The following DNAH3 variants were observed in gnomAD, a reference collection of about 807,000 sequenced individuals.
DNAH3 encodes dynein axonemal heavy chain 3.
In DNAH3, 332 loss-of-function variants were observed where a neutral mutation model predicts 432.5. The observed-to-expected ratio is 0.77, with a 90% CI of 0.70 to 0.84. DNAH3 has a LOEUF of 0.84. Ranked by LOEUF, DNAH3 falls within the 40% of genes least tolerant of loss-of-function variation. DNAH3 has a pLI of 0.00. For missense variants in DNAH3, 4,861 were observed against 5,114.0 expected, an observed-to-expected ratio of 0.95 and a Z score of 1.51; for synonymous variants, 1,956 against 1,900.2, an observed-to-expected ratio of 1.03 and a Z score of -0.76.
At chr16:21,057,745 G>C (rs752843847) in intron 27 of DNAH3, among the ~76,000 whole-genome samples, 15 of 152,110 alleles carry the variant, frequency 9.9e-5, no homozygotes, top group Non-Finnish European at 1.9e-4. Context: ...GAGAAGGAGA[G>C]GCAGATGGTG....
At chr16:20,983,541 C>T (rs896276082) in intron 48 of DNAH3, among the ~76,000 whole-genome samples, 5 of 152,168 alleles carry the variant, frequency 3.3e-5, no homozygotes, top group East Asian at 1.9e-4. Flanking sequence ...TGCTGATACA[C>T]GGGAGCCATA....
intron 41 of DNAH3, among the ~76,000 whole-genome samples, chr16:21,009,592 G>T (rs2087479639): frequency 6.6e-6 from 1 of 152,188 alleles, no homozygotes; most frequent in Admixed American, 6.5e-5. Context: ...AATGAGAAAA[G>T]ATTTGGCTGG....
At chr16:21,135,282 G>A (rs2092626654) in intron 6 of DNAH3, among the ~76,000 whole-genome samples, 1 of 152,126 alleles carries the variant, frequency 6.6e-6, no homozygotes, top group South Asian at 2.1e-4. Context: ...AACCCACCAT[G>A]GATGATACCA....
At chr16:21,157,749 A>G (rs997986390) in intron 1 of DNAH3, among the ~76,000 whole-genome samples, 1 of 149,550 alleles carries the variant, frequency 6.7e-6, no homozygotes, top group Non-Finnish European at 1.5e-5. Flanking sequence ...CAGCAGACCA[A>G]TGGTTGGGCT....
intron 16 of DNAH3, among the ~76,000 whole-genome samples, chr16:21,103,598 T>G (rs762793774): frequency 6.6e-6 from 1 of 152,144 alleles, no homozygotes; most frequent in Non-Finnish European, 1.5e-5. Flanking sequence ...GGAGCACACT[T>G]AGGCCACATT....
chr16:21,156,581 T>A (rs2092898911), intron 1 of DNAH3, among the ~76,000 whole-genome samples: 1 of 152,124 alleles, frequency 6.6e-6, no homozygotes, highest in African/African-American at 2.4e-5. Flanking sequence ...CATGACCTAA[T>A]CACCTCCCAA....
At chr16:21,013,166 C>T (rs564803049) in intron 41 of DNAH3, among the ~76,000 whole-genome samples, 1 of 151,986 alleles carries the variant, frequency 6.6e-6, no homozygotes, top group East Asian at 1.9e-4. Context: ...AAAATTATTG[C>T]AGAAATCATG....
intron 9 of DNAH3, 128 bp from the exon 11 acceptor site, chr16:21,122,252 T>C (rs544094227): frequency 3.1e-5 from 23 of 752,326 alleles, no homozygotes; most frequent in Non-Finnish European, 4.2e-5. Flanking sequence ...ATACACTGTT[T>C]ATATTTAAAA....
intron 24 of DNAH3, among the ~76,000 whole-genome samples, chr16:21,063,727 G>A (rs2090446962): frequency 6.6e-6 from 1 of 151,950 alleles, no homozygotes; most frequent in Non-Finnish European, 1.5e-5. Context: ...ATACTTTGTA[G>A]AGATGGGGTC....
chr16:20,943,916 G>A (rs1266861010), intron 58 of DNAH3, among the ~76,000 whole-genome samples: 2 of 151,924 alleles, frequency 1.3e-5, no homozygotes, highest in Admixed American at 6.6e-5. Context: ...CCTGGGAGGC[G>A]GAGGTTGCAG....
At chr16:21,064,789 C>T (rs888090818) in intron 24 of DNAH3, among the ~76,000 whole-genome samples, 2 of 151,824 alleles carry the variant, frequency 1.3e-5, no homozygotes, top group African/African-American at 4.8e-5. Flanking sequence ...ATGTGACTAT[C>T]AACAACATTC....
chr16:20,970,614 T>G (rs554151071), intron 51 of DNAH3, among the ~76,000 whole-genome samples: 4 of 152,170 alleles, frequency 2.6e-5, no homozygotes, highest in Non-Finnish European at 5.9e-5. Flanking sequence ...AAATTGCCCC[T>G]GAGTCTTAGC....
intron 7 of DNAH3, among the ~76,000 whole-genome samples, chr16:21,128,421 G>A (rs552989574): frequency 1.5e-4 from 23 of 150,944 alleles, no homozygotes; most frequent in East Asian, 5.9e-4. Flanking sequence ...AAGGCCGGGC[G>A]CGGTGGCTCA....
rs1251363623 is a variant in DNAH3 at position 21,036,665 on chromosome 16, C to T, written c.5085+49G>A. 4.5e-6 allele frequency: 7 copies of T among 1,565,088 alleles called. No individual in the cohort carries two copies. In the South Asian group the frequency reaches 8.1e-5, roughly 18 times the overall value. ...CCTATAAGACTTTACTGTTTGCTGA[C>T]TTCAGCAAACAGTAAAACAGGCACA... On this transcript the variant is annotated intron_variant, in intron 35 of 61. Transcript: ENST00000261383.
chr16:21,002,931 G>A (rs1288056438), intron 42 of DNAH3, among the ~76,000 whole-genome samples, 173 bp downstream of exon 42: 2 of 152,144 alleles, frequency 1.3e-5, no homozygotes, highest in Non-Finnish European at 2.9e-5. Flanking sequence ...AGGATGCTGT[G>A]TCTCTCTGAT....
intron 19 of DNAH3, among the ~76,000 whole-genome samples, chr16:21,082,198 CTAATTT>C (rs1386633649): frequency 6.6e-6 from 1 of 151,924 alleles, no homozygotes; most frequent in Non-Finnish European, 1.5e-5. Flanking sequence ...CCACACCCAG[CTAATTT>C]TAATTAGACA....
At chr16:21,124,897 G>A (rs536937720) in intron 9 of DNAH3, among the ~76,000 whole-genome samples, 19 of 152,286 alleles carry the variant, frequency 1.2e-4, no homozygotes, top group South Asian at 2.1e-4. Context: ...TGATCTGCCC[G>A]CCTTGGCCTC....
chr16:21,104,417 AT>A, intron 16 of DNAH3, 53 bp downstream of exon 16: 1 of 1,499,360 alleles, frequency 6.7e-7, no homozygotes. Context: ...AACCTGCAGC[AT>A]GGGTGAAGAA....
At chr16:21,020,348 G>GTGTGTGTGTGTATATATATATA in intron 40 of DNAH3, among the ~76,000 whole-genome samples, 1 of 69,176 alleles carries the variant, frequency 1.4e-5, no homozygotes, top group African/African-American at 6.4e-5. Flanking sequence ...TATAGTGTGT[G>GTGTGTGTGTGTATATATATATA]TATATATATA....
Sources: gnomAD v4.1 joint callset for allele counts (sites outside exome capture counted in the v4.1 genomes callset) on GRCh38, gnomAD v4.1.1 for gene constraint, MANE v1.5 for transcripts, NCBI Gene and HGNC (gene_info 2026-07-23, HGNC 2026-07-21) for gene names.